COL28A1: variants seen among roughly 807,000 people sequenced by gnomAD.
COL28A1 encodes the protein collagen alpha-1(XXVIII) chain.
In COL28A1, 161 loss-of-function variants were observed where a neutral mutation model predicts 150.2. The ratio of observed to expected loss-of-function variants is 1.07; its 90% CI spans 0.94 to 1.22. COL28A1 has a LOEUF of 1.22. COL28A1 is among the 50% of genes most tolerant of loss of function. COL28A1 has a pLI of 0.00. For synonymous variants in COL28A1, 552 were observed against 469.7 expected (o/e 1.18, Z -2.26); for missense variants, 1,617 against 1,388.3 (o/e 1.16, Z -2.62).
Position 7,520,061 on chromosome 7 carries a change from C to T in COL28A1, c.813+1G>A, listed in dbSNP as rs777520915. 2 of 1,333,356 alleles carry T rather than the reference C, an allele frequency of 1.5e-6. No homozygotes were observed. Among genetic ancestry groups the T allele is most frequent in the Non-Finnish European group, 2.2e-6 (2 of 925,646 alleles). The allele number at this position is 1,333,356 out of a possible 1,614,324, so 82.6% of individuals were successfully genotyped here. On this transcript the variant is annotated splice_donor_variant, in intron 6 of 34. Transcript: ENST00000399429. LOFTEE classifies it high-confidence loss of function. The stretch of plus-strand genomic sequence containing the variant: ...TAAAGAAAAGCTGTTTATTCATTTA[C>T]CGGGTTTCCTTTTGGTCCTCGCTCA...
intron 27 of COL28A1, among the ~76,000 whole-genome samples, chr7:7,390,732 G>A (rs1440744592): frequency 6.6e-6 from 1 of 152,144 alleles, no homozygotes; most frequent in Non-Finnish European, 1.5e-5. Context: ...GTGTGTATGT[G>A]TCCAGGAACT....
the COL28A1 span, among the ~76,000 whole-genome samples, chr7:7,341,913 T>C: frequency 1.4e-4 from 21 of 152,100 alleles, 1 homozygote; most frequent in Non-Finnish European, 2.6e-4. Context: ...AGAGAATATA[T>C]ATTCTGCAGC....
intron 30 of COL28A1, among the ~76,000 whole-genome samples, chr7:7,379,179 G>C (rs1583248941): frequency 1.3e-5 from 2 of 152,180 alleles, no homozygotes; most frequent in Admixed American, 6.5e-5. Flanking sequence ...CAGAGCGGGG[G>C]CCTCTAAAAC....
At chr7:7,411,230 ACC>A (rs1296694355) in intron 27 of COL28A1, among the ~76,000 whole-genome samples, 1 of 152,194 alleles carries the variant, frequency 6.6e-6, no homozygotes, top group Non-Finnish European at 1.5e-5. Context: ...ACTGAGACAA[ACC>A]AAAAGAAATC....
chr7:7,383,253 TGTGTGTGTGTG>T (rs1781972044), intron 27 of COL28A1, among the ~76,000 whole-genome samples: 1 of 105,302 alleles, frequency 9.5e-6, no homozygotes, highest in South Asian at 2.9e-4. Context: ...TTTTTTGTTG[TGTGTGTGTGTG>T]TGTGTGTGTG....
At chr7:7,444,121 C>T (rs768502594) in intron 19 of COL28A1, among the ~76,000 whole-genome samples, 19 of 150,430 alleles carry the variant, frequency 1.3e-4, no homozygotes, top group African/African-American at 2.9e-4. Context: ...TAGGGGGAGG[C>T]GGGGGGAGTG....
intron 21 of COL28A1, among the ~76,000 whole-genome samples, chr7:7,438,675 TCATAA>T (rs35407255): frequency 0.19 from 28,223 of 152,056 alleles, 3,260 homozygotes; most frequent in African/African-American, 0.33. Flanking sequence ...TTATATAAAT[TCATAA>T]CATATTAGTA....
chr7:7,423,625 AG>A (rs1455386466), intron 25 of COL28A1, among the ~76,000 whole-genome samples: 24 of 152,284 alleles, frequency 1.6e-4, no homozygotes, highest in African/African-American at 5.8e-4. Context: ...GTATGTTTTA[AG>A]AAAAAATTTG....
intron 27 of COL28A1, among the ~76,000 whole-genome samples, chr7:7,392,722 G>C (rs1235932698): frequency 6.6e-6 from 1 of 152,016 alleles, no homozygotes; most frequent in Non-Finnish European, 1.5e-5. Context: ...ATTTCATTAA[G>C]TTGATCTTCA....
rs541476925 is a variant in COL28A1 at position 7,460,183 on chromosome 7, C to T, written c.1303-4071G>A. Among the ~76,000 whole-genome samples, 26 of 152,298 alleles carry T rather than the reference C, an allele frequency of 1.7e-4. No homozygotes were observed. In the East Asian group the frequency reaches 1.9e-3, roughly 11 times the overall value. On this transcript the variant is annotated intron_variant, in intron 15 of 34. Coordinates refer to ENST00000399429, the MANE Select transcript of COL28A1 (RefSeq NM_001037763.3). ...TCTTCCTGAGTCACTGTAGGTTCAT[C>T]GTATGTGGTCTTCCTTCCTTCAGAG...
In COL28A1 at chr7:7,527,201, T is replaced by C. The variant is rs574605299; in HGVS notation, c.682-2952A>G. ...CAAAACTACACAATAGATAAGACTGTTTCAAACAAAGAACAAAGCCCCATC... is the reference window on the plus strand; with the variant it reads ...CAAAACTACACAATAGATAAGACTGCTTCAAACAAAGAACAAAGCCCCATC... On this transcript the variant is annotated intron_variant, in intron 3 of 34. Coordinates refer to ENST00000399429, the MANE Select transcript of COL28A1 (RefSeq NM_001037763.3). Among the ~76,000 whole-genome samples the C allele has an allele frequency of 2.0e-5, 3 of 152,286 alleles. No homozygotes were observed. In the East Asian group the frequency reaches 5.8e-4, roughly 29 times the overall value.
At chr7:7,425,964 T>A (rs949498392) in intron 25 of COL28A1, among the ~76,000 whole-genome samples, 4 of 152,060 alleles carry the variant, frequency 2.6e-5, no homozygotes, top group African/African-American at 9.7e-5. Context: ...TCCCCCTTAC[T>A]CCCCCACACA....
At chr7:7,426,028 C>T (rs542893925) in intron 25 of COL28A1, among the ~76,000 whole-genome samples, 27 of 152,312 alleles carry the variant, frequency 1.8e-4, no homozygotes, top group Admixed American at 7.2e-4. Flanking sequence ...GTTGCTGCCA[C>T]TCTTTGAGAA....
intron 16 of COL28A1, 26 bp from the exon 17 acceptor site, chr7:7,453,534 G>A (rs768717076): frequency 3.3e-6 from 3 of 899,438 alleles, no homozygotes; most frequent in Non-Finnish European, 5.6e-6. Context: ...TTATAAAATA[G>A]TGTTAGTGAA....
chr7:7,456,174 G>A (rs1787154016), intron 15 of COL28A1, 62 bp from the exon 16 acceptor site: 2 of 1,557,976 alleles, frequency 1.3e-6, no homozygotes, highest in East Asian at 2.3e-5. Flanking sequence ...TTCATACTTT[G>A]CTAACCTGGA....
intron 27 of COL28A1, among the ~76,000 whole-genome samples, chr7:7,383,283 TGTG>T (rs1781980723): frequency 8.2e-6 from 1 of 122,166 alleles, no homozygotes; most frequent in Non-Finnish European, 1.6e-5. Flanking sequence ...TGTGTGTGTG[TGTG>T]TGTTTTTTTT....
intron 33 of COL28A1, among the ~76,000 whole-genome samples, chr7:7,363,332 T>C (rs917917956): frequency 2.6e-5 from 4 of 152,212 alleles, no homozygotes; most frequent in Non-Finnish European, 5.9e-5. Context: ...AATGTGTGTT[T>C]CCATTCTCAA....
rs549557714 is a variant in COL28A1 at position 7,412,628 on chromosome 7, A to G, written c.2136+5231T>C. Among the ~76,000 whole-genome samples the G allele has an allele frequency of 3.3e-5, 5 of 152,186 alleles. No homozygotes were observed. The South Asian group carries it at 1.0e-3, about 32-fold the overall frequency. On this transcript the variant is annotated intron_variant, in intron 27 of 34. Transcript: ENST00000399429. ...TTACACATACTATCTAATTTCAATCATTCCTCACAACAACTTTAGGAAACA... is the reference window on the plus strand; with the variant it reads ...TTACACATACTATCTAATTTCAATCGTTCCTCACAACAACTTTAGGAAACA...
At chr7:7,502,190 G>A (rs1407619532) in intron 11 of COL28A1, among the ~76,000 whole-genome samples, 8 of 152,278 alleles carry the variant, frequency 5.3e-5, no homozygotes, top group Admixed American at 2.0e-4. Context: ...GTGAGCCACT[G>A]CGCCTGGCTG....
Sources: allele counts gnomAD v4.1 joint callset (sites outside exome capture counted in the v4.1 genomes callset), GRCh38; gene constraint gnomAD v4.1.1; transcripts MANE v1.5; gene names NCBI Gene and HGNC (gene_info 2026-07-23, HGNC 2026-07-21).